The following TP53BP1 variants were observed in gnomAD, a reference collection of about 807,000 sequenced individuals.
TP53BP1 encodes the protein TP53-binding protein 1.
Under a neutral mutation model 200.8 loss-of-function variants are expected in TP53BP1, and 61 were observed. That is an observed-to-expected ratio of 0.30 (90% CI 0.25 to 0.38). TP53BP1 has a LOEUF of 0.38. Among genes scored for constraint, TP53BP1 ranks in the 10% least tolerant of loss-of-function variants. The pLI, the probability that TP53BP1 is intolerant of heterozygous loss-of-function variation, is 1.00. For missense variants in TP53BP1, 2,144 were observed against 2,371.9 expected (o/e 0.90, Z 2.00); for synonymous variants, 822 against 844.3 (o/e 0.97, Z 0.46).
intron 8 of TP53BP1, among the ~76,000 whole-genome samples, chr15:43,476,543 A>C (rs1051485706): frequency 2.0e-5 from 3 of 152,232 alleles, no homozygotes; most frequent in African/African-American, 7.2e-5. Context: ...TACTATGAAG[A>C]GTCTCTTGTT....
intron 4 of TP53BP1, 72 bp from the exon 5 acceptor site, chr15:43,481,094 C>T: frequency 6.5e-7 from 1 of 1,548,112 alleles, no homozygotes. Flanking sequence ...ACTCTGACCC[C>T]CAACACATAC....
intron 14 of TP53BP1, among the ~76,000 whole-genome samples, chr15:43,445,721 C>G (rs1382025418): frequency 6.6e-6 from 1 of 152,168 alleles, no homozygotes; most frequent in Non-Finnish European, 1.5e-5. Flanking sequence ...TCCATATTCA[C>G]CTGGCACCAT....
chr15:43,499,029 A>C (rs537840034), intron 1 of TP53BP1, among the ~76,000 whole-genome samples: 9 of 152,228 alleles, frequency 5.9e-5, no homozygotes, highest in Non-Finnish European at 1.3e-4. Flanking sequence ...CAAAAAAAAA[A>C]AAACAAAACA....
chr15:43,420,609 A>G lies in TP53BP1; in HGVS notation c.4377T>C (p.Ala1459=), dbSNP rs1312969683. 3 of 1,614,188 alleles carry G rather than the reference A, an allele frequency of 1.9e-6. No individual in the cohort carries two copies. Among genetic ancestry groups the G allele is most frequent in the East Asian group, 2.2e-5 (1 of 44,876 alleles). ...PDSTRRTDVG[A]GALRRSDSPE... is the part of the protein sequence containing the mutation. ...GAGAGTCACTACGACGCAAAGCACCAGCACCCACATCTGTTCGTCTGGTGG... is the reference window on the plus strand; with the variant it reads ...GAGAGTCACTACGACGCAAAGCACCGGCACCCACATCTGTTCGTCTGGTGG... The change falls in exon 21 of 28, where the codon GCT becomes GCC. Residue 1459 remains alanine, a synonymous_variant. Coordinates refer to ENST00000382044, the MANE Select transcript of TP53BP1 (RefSeq NM_001141980.3).
chr15:43,469,913 G>A lies in TP53BP1; in HGVS notation c.1334C>T (p.Thr445Ile), dbSNP rs761851410. The A allele has an allele frequency of 2.5e-6, 4 of 1,614,082 alleles. No homozygotes were observed. Among genetic ancestry groups the A allele is most frequent in the Non-Finnish European group, 3.4e-6 (4 of 1,180,032 alleles). Residue 445 changes from threonine (T) to isoleucine (I), a missense_variant, in exon 11 of 28, where the codon ACA (threonine) becomes ATA (isoleucine). Transcript: ENST00000382044. ...PQASTPISQS[T>I]PVFPPGSLPI... ...AAGTGACCCAGGAGGGAAGACTGGT[G>A]TGCTCTGAGATATTGGTGTTGAGGC...
intron 17 of TP53BP1, among the ~76,000 whole-genome samples, chr15:43,431,269 G>A (rs1248200814): frequency 2.0e-5 from 3 of 152,036 alleles, no homozygotes; most frequent in African/African-American, 7.2e-5. Context: ...CCAAGAAAAA[G>A]AAACCACTGA....
intron 15 of TP53BP1, among the ~76,000 whole-genome samples, chr15:43,440,683 T>C (rs551305098): frequency 6.6e-6 from 1 of 151,242 alleles, no homozygotes; most frequent in East Asian, 2.0e-4. Flanking sequence ...AGCCCAGGAG[T>C]TCAAGGCCAG....
Position 43,456,777 on chromosome 15 carries a change from C to T in TP53BP1, c.1831G>A (p.Gly611Ser), listed in dbSNP as rs1311753174. The stretch of plus-strand genomic sequence containing the variant: ...TCTTCTGCTACCGTTTCTTCTCTGC[C>T]CTTGCAACCAGTGGCTAAAATACTA... Reference protein sequence around the residue: ...DISILATGCKGREETVAEDVC... With the variant: ...DISILATGCKSREETVAEDVC... Residue 611 changes from glycine to serine, a missense_variant, in exon 12 of 28, where the codon GGC becomes AGC. By Grantham distance (56) the Gly-to-Ser change is moderately conservative. Around this residue, in one of 4 missense-constraint regions of TP53BP1, gnomAD observed 1,700 missense variants for 1,710.3 expected, o/e 0.99. Transcript: ENST00000382044. The T allele has an allele frequency of 1.2e-6, 2 of 1,614,038 alleles. No individual in the cohort carries two copies. The highest frequency in any genetic ancestry group is 1.7e-5 in the Admixed American group (1 of 60,024).
At chr15:43,416,477 A>C in intron 21 of TP53BP1, 61 bp from the exon 22 acceptor site, 3 of 1,520,676 alleles carry the variant, frequency 2.0e-6, no homozygotes, top group Non-Finnish European at 2.7e-6. Flanking sequence ...GCACCCTCTC[A>C]CAAGGGCTCT....
At chr15:43,489,425 CAT>C (rs2079090357) in intron 4 of TP53BP1, among the ~76,000 whole-genome samples, 1 of 152,198 alleles carries the variant, frequency 6.6e-6, no homozygotes, top group African/African-American at 2.4e-5. Flanking sequence ...AAGCCTGGCA[CAT>C]GTTCTTAAAG....
At chr15:43,445,287 A>T (rs1490034153) in intron 14 of TP53BP1, among the ~76,000 whole-genome samples, 1 of 152,110 alleles carries the variant, frequency 6.6e-6, no homozygotes, top group Non-Finnish European at 1.5e-5. Context: ...TGCCTCGCCG[A>T]AGTCAAAGTA....
chr15:43,492,384 T>C lies in TP53BP1; in HGVS notation c.92A>G (p.Gln31Arg). 3 of 1,614,140 alleles carry C rather than the reference T, an allele frequency of 1.9e-6. No homozygotes were observed. The highest frequency in any genetic ancestry group is 2.5e-6 in the Non-Finnish European group (3 of 1,179,978). The change falls in exon 2 of 28, where the codon CAG becomes CGG. Residue 31 changes from glutamine (Q) to arginine (R), a missense_variant. Around this residue, in one of 4 missense-constraint regions of TP53BP1, gnomAD observed 1,700 missense variants for 1,710.3 expected, o/e 0.99. Coordinates refer to ENST00000382044, the MANE Select transcript of TP53BP1 (RefSeq NM_001141980.3). ...DTPCLIIEDS[Q>R]PESQVLEDDS... ...ATCCTCTAGAACCTGGCTTTCAGGC[T>C]GAGAATCTTCAATTATCAGGCAAGG...
intron 24 of TP53BP1, among the ~76,000 whole-genome samples, chr15:43,410,051 G>A (rs947243379): frequency 6.6e-6 from 1 of 152,194 alleles, no homozygotes; most frequent in Admixed American, 6.5e-5. Flanking sequence ...TTCCCACAGT[G>A]ACATATTCCA....
rs1254271408 is a variant in TP53BP1 at position 43,405,662 on chromosome 15, G to GT, written c.*1720dup. On this transcript the variant is annotated 3_prime_UTR_variant, in exon 28 of 28. Coordinates refer to ENST00000382044, the MANE Select transcript of TP53BP1 (RefSeq NM_001141980.3). ...TTACCACCAAGTAAGAAAGCAACAGGTAAGATAGGCTTTCTCTCTCCCTAT... is the reference window on the plus strand; with the variant it reads ...TTACCACCAAGTAAGAAAGCAACAGGTTAAGATAGGCTTTCTCTCTCCCTAT... 1 of 162,296 alleles carries GT rather than the reference G, an allele frequency of 6.2e-6. No individual in the cohort carries two copies. The highest frequency in any genetic ancestry group is 1.8e-4 in the East Asian group (1 of 5,668). The allele number at this position is 162,296 out of a possible 1,614,324, so 10.1% of individuals were successfully genotyped here.
At chr15:43,485,608 C>T (rs764681280) in intron 4 of TP53BP1, among the ~76,000 whole-genome samples, 1 of 134,220 alleles carries the variant, frequency 7.5e-6, no homozygotes. Context: ...TTTGGGAGGC[C>T]GAGATGGGCA....
chr15:43,442,815 CTTTTTTTTTTTTTTTTT>C (rs71111818), intron 14 of TP53BP1, among the ~76,000 whole-genome samples: 1 of 61,004 alleles, frequency 1.6e-5, no homozygotes, highest in Non-Finnish European at 2.8e-5. Context: ...CAGTAATATT[CTTTTTTTTTTTTTTTTT>C]TTTTTTTTTT....
rs1482963415 is a variant in TP53BP1, at chr15:43,456,582, G to A, written c.2026C>T (p.Pro676Ser). 3 of 1,613,814 alleles carry A rather than the reference G, an allele frequency of 1.9e-6. No individual in the cohort carries two copies. Among genetic ancestry groups the A allele is most frequent in the Non-Finnish European group, 1.7e-6 (2 of 1,179,958 alleles). The change falls in exon 12 of 28, where the codon CCT becomes TCT. Residue 676 changes from proline (P) to serine (S), a missense_variant. This residue lies in a region of TP53BP1 where 1,700 missense variants were observed against 1,710.3 expected (regional missense o/e 0.99). Transcript: ENST00000382044. ...AGTTCCTCTCCTTGACTTTCACAAG[G>A]TGTCTCAGGGATTTCTTCCACCTCA... ...GSEVEEIPETPCESQGEELKE... is the reference protein window; with the variant it reads ...GSEVEEIPETSCESQGEELKE...
rs151200212 is a variant in TP53BP1, at chr15:43,446,926, A to G, written c.2837-336T>C. 365 of 663,726 alleles carry G rather than the reference A, an allele frequency of 5.5e-4. 2 individuals carry two copies. Among genetic ancestry groups the G allele is most frequent in the Non-Finnish European group, 8.1e-4 (317 of 390,256 alleles). The allele number at this position is 663,726 out of a possible 1,614,324, so 41.1% of individuals were successfully genotyped here. A position where few individuals can be genotyped will look rare whatever the true frequency, so the allele number is the denominator to read the frequency against. On this transcript the variant is annotated intron_variant, in intron 13 of 27. Transcript: ENST00000382044. ...CCTCCCAGCACTGACTAGAGAAAAC[A>G]AATAGGTTAATGTAGAAGACTACTG...
chr15:43,503,932 C>T (rs1449184738), intron 1 of TP53BP1, among the ~76,000 whole-genome samples: 2 of 152,030 alleles, frequency 1.3e-5, no homozygotes, highest in East Asian at 1.9e-4. Context: ...AAACAATACA[C>T]CTATATACAT....
Sources: gnomAD v4.1 joint callset for allele counts (sites outside exome capture counted in the v4.1 genomes callset) on GRCh38, gnomAD v4.1.1 for gene constraint, gnomAD v4.1.1 regional missense constraint, MANE v1.5 for transcripts, NCBI Gene and HGNC (gene_info 2026-07-23, HGNC 2026-07-21) for gene names.